Variants in FKBP5 observed in about 807,000 individuals in gnomAD.
FKBP5 encodes FKBP prolyl isomerase 5, also known as peptidyl-prolyl cis-trans isomerase FKBP5.
FKBP5 carries 23 observed loss-of-function variants against 50.5 expected under a neutral mutation model. The observed-to-expected ratio is 0.46, with a 90% confidence interval of 0.33 to 0.65. The LOEUF (loss-of-function observed/expected upper bound fraction) is 0.65. Among genes scored for constraint, FKBP5 ranks in the 30% least tolerant of loss-of-function variants. FKBP5 has a pLI of 0.02. For synonymous variants in FKBP5, 176 were observed against 190.6 expected, an observed-to-expected ratio of 0.92 and a Z score of 0.63; for missense variants, 411 against 553.1, an observed-to-expected ratio of 0.74 and a Z score of 2.58.
intron 2 of FKBP5, among the ~76,000 whole-genome samples, chr6:35,716,432 G>A (rs916975485): frequency 1.3e-5 from 2 of 152,104 alleles, no homozygotes; most frequent in African/African-American, 4.8e-5. Context: ...TGTATGCTCT[G>A]GGAGGGGTGG....
At chr6:35,606,938 T>A (rs1054748357) in intron 5 of FKBP5, among the ~76,000 whole-genome samples, 4 of 152,128 alleles carry the variant, frequency 2.6e-5, no homozygotes, top group Non-Finnish European at 5.9e-5. Flanking sequence ...GCAGCATTGT[T>A]TGTGTGTTTG....
rs555762825 is a variant in FKBP5 at position 35,648,583 on chromosome 6, T to C, written c.-19-5740A>G. ...GAGTGAGCCACCACACCTGGCCTGA[T>C]GGAATTTTTACAACACCATTTGGTC... On this transcript the variant is annotated intron_variant, in intron 1 of 10. Transcript: ENST00000357266. Among the ~76,000 whole-genome samples, 11 of 152,258 alleles carry C rather than the reference T, an allele frequency of 7.2e-5. No homozygotes were observed. In the South Asian group the frequency reaches 1.7e-3, roughly 23 times the overall value.
intron 3 of FKBP5, among the ~76,000 whole-genome samples, chr6:35,623,369 C>T (rs1218185877): frequency 2.6e-5 from 4 of 152,180 alleles, no homozygotes; most frequent in African/African-American, 9.7e-5. Context: ...ATAGACCTAC[C>T]TCATTCTTAA....
At chr6:35,685,842 C>T (rs993871232) in intron 1 of FKBP5, among the ~76,000 whole-genome samples, 3 of 152,026 alleles carry the variant, frequency 2.0e-5, no homozygotes, top group Non-Finnish European at 4.4e-5. Flanking sequence ...ATTAGCCGGA[C>T]ATGGTGGCGC....
chr6:35,587,601 A>C (rs1448289891), intron 7 of FKBP5, among the ~76,000 whole-genome samples: 1 of 152,194 alleles, frequency 6.6e-6, no homozygotes, highest in African/African-American at 2.4e-5. Flanking sequence ...TGCCACTCTA[A>C]AACAACCAGA....
intron 1 of FKBP5, among the ~76,000 whole-genome samples, chr6:35,673,298 C>T (rs1765439103): frequency 1.3e-5 from 2 of 152,094 alleles, no homozygotes; most frequent in African/African-American, 4.8e-5. Context: ...GCCTGTAATC[C>T]CAGCACTTTG....
chr6:35,580,012 A>C (rs201555910), intron 9 of FKBP5, 24 bp downstream of exon 9: 1 of 1,587,760 alleles, frequency 6.3e-7, no homozygotes, highest in East Asian at 2.3e-5. Flanking sequence ...TCTAAAGTCC[A>C]TCTCACAGGA....
intron 1 of FKBP5, among the ~76,000 whole-genome samples, chr6:35,657,812 A>C (rs940029302): frequency 6.6e-6 from 1 of 152,072 alleles, no homozygotes; most frequent in Non-Finnish European, 1.5e-5. Context: ...CCTTTTCTTT[A>C]TTTATCATCC....
intron 1 of FKBP5, among the ~76,000 whole-genome samples, chr6:35,666,815 G>A (rs1765243449): frequency 6.6e-6 from 1 of 152,052 alleles, no homozygotes; most frequent in South Asian, 2.1e-4. Flanking sequence ...CTTGAACTCG[G>A]GAGGTTGCAG....
intron 1 of FKBP5, among the ~76,000 whole-genome samples, chr6:35,684,107 T>C (rs1399608044): frequency 2.6e-5 from 4 of 152,040 alleles, no homozygotes; most frequent in African/African-American, 9.7e-5. Flanking sequence ...CTTTCACAGA[T>C]GTGTGACTGT....
chr6:35,655,005 G>A (rs1262577207), intron 1 of FKBP5, among the ~76,000 whole-genome samples: 1 of 152,034 alleles, frequency 6.6e-6, no homozygotes, highest in Non-Finnish European at 1.5e-5. Context: ...GAGTAACATA[G>A]TGAAACCCTG....
At chr6:35,605,785 T>C (rs187811395) in intron 5 of FKBP5, among the ~76,000 whole-genome samples, 1 of 152,284 alleles carries the variant, frequency 6.6e-6, no homozygotes, top group Non-Finnish European at 1.5e-5. Context: ...ACAACTCCTA[T>C]TCAGCATGGT....
chr6:35,612,467 C>T (rs1434812096), intron 5 of FKBP5, among the ~76,000 whole-genome samples: 2 of 152,152 alleles, frequency 1.3e-5, no homozygotes, highest in African/African-American at 2.4e-5. Context: ...TAGTGAAACA[C>T]AATATATAGG....
At chr6:35,649,791 C>T (rs1764739066) in intron 1 of FKBP5, among the ~76,000 whole-genome samples, 1 of 152,076 alleles carries the variant, frequency 6.6e-6, no homozygotes, top group Non-Finnish European at 1.5e-5. Context: ...AGTCATGATG[C>T]AAGAATAGCA....
At chr6:35,709,603 T>G (rs1021862046) in intron 2 of FKBP5, among the ~76,000 whole-genome samples, 7 of 152,356 alleles carry the variant, frequency 4.6e-5, no homozygotes, top group Middle Eastern at 3.4e-3. Context: ...ATTTGATTTT[T>G]TAGAAATCAA....
chr6:35,612,972 C>T lies in FKBP5; in HGVS notation c.508+6124G>A, dbSNP rs58327994. Among the ~76,000 whole-genome samples the T allele has an allele frequency of 8.6e-3, 1,317 of 152,306 alleles. 16 individuals are homozygous for T. The highest frequency in any genetic ancestry group is 0.033 in the South Asian group (158 of 4,832). On this transcript the variant is annotated intron_variant, in intron 5 of 10. Coordinates refer to ENST00000357266, the MANE Select transcript of FKBP5 (RefSeq NM_004117.4). ...CAGATTAAAAAAACTGAATGCTCCA[C>T]GTAGTTAAGTAACTTGTCTAAAGTC... is the stretch of plus-strand genomic sequence containing the variant.
intron 2 of FKBP5, among the ~76,000 whole-genome samples, chr6:35,702,304 C>T (rs761059906): frequency 5.3e-5 from 8 of 151,648 alleles, no homozygotes; most frequent in Non-Finnish European, 2.9e-5. Context: ...TACAACAAAC[C>T]CTTGTGACAT....
chr6:35,588,025 TA>T lies in FKBP5; in HGVS notation c.757-909del, dbSNP rs1457205091. Among the ~76,000 whole-genome samples, 417 of 151,510 alleles carry T rather than the reference TA, an allele frequency of 2.8e-3. 4 individuals are homozygous for T. The highest frequency in any genetic ancestry group is 8.4e-3 in the African/African-American group (346 of 41,244). The stretch of plus-strand genomic sequence containing the variant: ...TATCCTCTACTTTTATTATTATTAT[TA>T]TTATTATTTTTTTTTTGAGACGGAG... On this transcript the variant is annotated intron_variant, in intron 7 of 10. Transcript: ENST00000357266.
rs866291676 is a variant in FKBP5, at chr6:35,577,036, T to C, written c.1224A>G (p.Ile408Met). 1 of 1,614,204 alleles carries C rather than the reference T, an allele frequency of 6.2e-7. No homozygotes were observed. The highest frequency in any genetic ancestry group is 8.5e-7 in the Non-Finnish European group (1 of 1,180,028). Residue 408 changes from isoleucine to methionine, a missense_variant, in exon 10 of 11, where the codon ATA becomes ATG. Ile to Met is a conservative substitution (Grantham distance 10). Transcript: ENST00000357266. ...AKEHNERDRR[I>M]YANMFKKFAE... ...CAAACTTCTTGAACATGTTGGCGTA[T>C]ATCCTGCGGTCCCGCTCGTTGTGCT...
Sources: allele counts gnomAD v4.1 joint callset (sites outside exome capture counted in the v4.1 genomes callset), GRCh38; gene constraint gnomAD v4.1.1; transcripts MANE v1.5; gene names NCBI Gene and HGNC (gene_info 2026-07-23, HGNC 2026-07-21).